Variants in ZNG1A observed in about 807,000 individuals in gnomAD.
The protein encoded by ZNG1A is zinc-regulated GTPase metalloprotein activator 1A.
At chr9:163,548 G>T in the ZNG1A span, among the ~76,000 whole-genome samples, 2 of 151,888 alleles carry the variant, frequency 1.3e-5, no homozygotes, top group Admixed American at 1.3e-4. Context: ...AGTGTGAAAA[G>T]AACAACAATG....
the ZNG1A span, among the ~76,000 whole-genome samples, chr9:124,165 C>T: frequency 3.0e-4 from 46 of 151,706 alleles, no homozygotes; most frequent in African/African-American, 1.0e-3. Context: ...ATAAATCTCT[C>T]ACTGTCTACC....
chr9:155,686 T>A, the ZNG1A span, among the ~76,000 whole-genome samples: 2 of 152,128 alleles, frequency 1.3e-5, no homozygotes, highest in African/African-American at 4.8e-5. Context: ...TAAATTCACT[T>A]TAGTTCACTG....
At chr9:138,396 C>A in the ZNG1A span, among the ~76,000 whole-genome samples, 5,977 of 90,382 alleles carry the variant, frequency 0.066, 404 homozygotes, top group African/African-American at 0.14. Flanking sequence ...TTCTTTCTTT[C>A]TTTTTTTTTT....
the ZNG1A span, chr9:148,799 C>T: frequency 2.0e-5 from 3 of 148,726 alleles, no homozygotes; most frequent in African/African-American, 5.1e-5. Context: ...AGACCAAGGA[C>T]AGGAGAGTGA....
the ZNG1A span, among the ~76,000 whole-genome samples, chr9:128,638 C>G: frequency 3.4e-5 from 5 of 149,232 alleles, no homozygotes; most frequent in African/African-American, 1.3e-4. Flanking sequence ...TCTCTGGTGC[C>G]TTAGCTTAAT....
At chr9:174,847 T>C in the ZNG1A span, among the ~76,000 whole-genome samples, 1 of 150,826 alleles carries the variant, frequency 6.6e-6, no homozygotes, top group Admixed American at 6.6e-5. Flanking sequence ...TCTAGAGCTA[T>C]TTTTTTGACT....
At chr9:143,416 G>C in the ZNG1A span, among the ~76,000 whole-genome samples, 3 of 129,212 alleles carry the variant, frequency 2.3e-5, no homozygotes, top group Non-Finnish European at 3.2e-5. Flanking sequence ...ATGTAATCCA[G>C]CATATAAACA....
the ZNG1A span, among the ~76,000 whole-genome samples, chr9:157,692 CATAATTTTA>C: frequency 3.8e-5 from 5 of 133,148 alleles, no homozygotes; most frequent in Non-Finnish European, 8.0e-5. Context: ...AGTAAAATGA[CATAATTTTA>C]AAGTCTTTGT....
the ZNG1A span, among the ~76,000 whole-genome samples, chr9:155,795 A>T: frequency 6.6e-6 from 1 of 151,442 alleles, no homozygotes; most frequent in Non-Finnish European, 1.5e-5. Context: ...TTTCATAAGG[A>T]AAACAGTTAC....
chr9:167,645 G>A, the ZNG1A span: 1 of 150,064 alleles, frequency 6.7e-6, no homozygotes, highest in Non-Finnish European at 1.5e-5. Flanking sequence ...AGAACTAAAA[G>A]AATTATGACA....
At chr9:138,831 G>A in the ZNG1A span, among the ~76,000 whole-genome samples, 2 of 149,944 alleles carry the variant, frequency 1.3e-5, no homozygotes, top group Non-Finnish European at 2.9e-5. Context: ...TTGAGCCCAG[G>A]AGGTTGAGGC....
At chr9:170,238 C>T in the ZNG1A span, among the ~76,000 whole-genome samples, 1 of 151,326 alleles carries the variant, frequency 6.6e-6, no homozygotes, top group African/African-American at 2.4e-5. Flanking sequence ...CAAGAATTTG[C>T]CTTTCTAACA....
the ZNG1A span, among the ~76,000 whole-genome samples, chr9:143,290 C>A: frequency 0.044 from 6,535 of 148,392 alleles, 164 homozygotes; most frequent in African/African-American, 0.066. Flanking sequence ...ATGTAAAAAT[C>A]CTCAATAAAA....
the ZNG1A span, chr9:156,557 C>A: frequency 6.3e-7 from 1 of 1,592,166 alleles, no homozygotes; most frequent in Non-Finnish European, 8.5e-7. Flanking sequence ...AATAAAGTTA[C>A]TATAATACAA....
the ZNG1A span, among the ~76,000 whole-genome samples, chr9:171,101 A>G: frequency 2.0e-5 from 3 of 151,918 alleles, no homozygotes; most frequent in Non-Finnish European, 2.9e-5. Context: ...GATTTATCAG[A>G]AAGGTATGAA....
At chr9:152,297 T>C in the ZNG1A span, among the ~76,000 whole-genome samples, 25 of 152,168 alleles carry the variant, frequency 1.6e-4, no homozygotes, top group African/African-American at 3.9e-4. Flanking sequence ...CATACATTAA[T>C]AAAACATATA....
At chr9:143,128 G>A in the ZNG1A span, among the ~76,000 whole-genome samples, 1 of 145,998 alleles carries the variant, frequency 6.8e-6, no homozygotes, top group Non-Finnish European at 1.5e-5. Flanking sequence ...AGGAGGAACT[G>A]GTACCATTCC....
chr9:127,762 T>G, the ZNG1A span, among the ~76,000 whole-genome samples: 1 of 152,198 alleles, frequency 6.6e-6, no homozygotes, highest in Non-Finnish European at 1.5e-5. Flanking sequence ...GTTTTTGTTG[T>G]TTTTCTAATT....
chr9:151,302 C>CA, the ZNG1A span: 1 of 983,382 alleles, frequency 1.0e-6, no homozygotes, highest in Admixed American at 6.2e-5. Context: ...ACAAGCCACT[C>CA]ACCTAAGGCC....
Sources: gnomAD v4.1 joint callset for allele counts (sites outside exome capture counted in the v4.1 genomes callset) on GRCh38, gnomAD v4.1.1 for gene constraint, MANE v1.5 for transcripts, NCBI Gene and HGNC (gene_info 2026-07-23, HGNC 2026-07-21) for gene names.